CHEK2: variants seen among roughly 807,000 people sequenced by gnomAD.
CHEK2 encodes the protein checkpoint kinase 2, also known as serine/threonine-protein kinase Chk2.
In CHEK2, 71 loss-of-function variants were observed where a neutral mutation model predicts 69.1. The observed-to-expected ratio is 1.03, with a 90% CI of 0.85 to 1.25. The LOEUF (loss-of-function observed/expected upper bound fraction) is 1.25. Ranked by LOEUF, CHEK2 falls within the 50% of genes most tolerant of loss-of-function variation. The probability of loss-of-function intolerance (pLI) is 0.00; values close to 1 mark genes in which losing one functional copy is unlikely to be tolerated. For missense variants in CHEK2, 664 were observed against 649.6 expected (o/e 1.02, Z -0.24); for synonymous variants, 189 against 226.9 (o/e 0.83, Z 1.50).
At chr22:28,730,273 A>AG (rs1491148056) in intron 2 of CHEK2, 2 of 327,420 alleles carry the variant, frequency 6.1e-6, no homozygotes, top group East Asian at 4.2e-5. Flanking sequence ...GGAGGAAAGG[A>AG]AAGCGGAAGG....
At chr22:28,702,302 G>C (rs1301939784) in intron 8 of CHEK2, among the ~76,000 whole-genome samples, 2 of 149,584 alleles carry the variant, frequency 1.3e-5, no homozygotes, top group East Asian at 2.0e-4. Flanking sequence ...GCAGTGGCGC[G>C]ATCTCAGCTC....
intron 13 of CHEK2, among the ~76,000 whole-genome samples, chr22:28,693,138 A>G (rs766530921): frequency 6.6e-6 from 1 of 152,188 alleles, no homozygotes. Flanking sequence ...GCTGAATGGA[A>G]CTGCTCATTA....
intron 2 of CHEK2, among the ~76,000 whole-genome samples, chr22:28,728,377 C>A (rs918828804): frequency 2.6e-5 from 4 of 152,052 alleles, no homozygotes; most frequent in African/African-American, 9.7e-5. Context: ...ACTACCAAAA[C>A]TAACACAAGA....
chr22:28,714,305 C>T (rs1275764046), intron 5 of CHEK2, among the ~76,000 whole-genome samples: 1 of 152,040 alleles, frequency 6.6e-6, no homozygotes, highest in Non-Finnish European at 1.5e-5. Context: ...ATTTGTATTG[C>T]CCTAATGACT....
At chr22:28,713,116 T>G (rs1238005358) in intron 5 of CHEK2, among the ~76,000 whole-genome samples, 1 of 152,228 alleles carries the variant, frequency 6.6e-6, no homozygotes, top group Non-Finnish European at 1.5e-5. Flanking sequence ...ATTCTTTCAC[T>G]TAGCGTAATG....
intron 1 of CHEK2, among the ~76,000 whole-genome samples, 167 bp downstream of exon 1, chr22:28,741,602 C>G (rs2054557971): frequency 6.6e-6 from 1 of 152,098 alleles, no homozygotes; most frequent in Non-Finnish European, 1.5e-5. Context: ...GGGAAGTGAA[C>G]TTCACCTCGA....
intron 5 of CHEK2, among the ~76,000 whole-genome samples, chr22:28,717,572 T>TAA (rs879895705): frequency 4.2e-5 from 6 of 142,106 alleles, no homozygotes; most frequent in African/African-American, 1.3e-4. Flanking sequence ...ATCTCTACAG[T>TAA]AAAAAAAAAA....
chr22:28,734,837 AACAGGGC>A, intron 1 of CHEK2, 110 bp from the exon 2 acceptor site: 1 of 875,502 alleles, frequency 1.1e-6, no homozygotes, highest in Non-Finnish European at 1.8e-6. Context: ...AAAAAAAAAA[AACAGGGC>A]AAACATGCTC....
intron 2 of CHEK2, among the ~76,000 whole-genome samples, chr22:28,733,660 T>C (rs2054281757): frequency 6.6e-6 from 1 of 152,162 alleles, no homozygotes. Context: ...TGCTCATGCC[T>C]GTAATCCCAA....
chr22:28,710,182 A>G, intron 6 of CHEK2, 123 bp from the exon 7 acceptor site: 2 of 632,838 alleles, frequency 3.2e-6, no homozygotes. Flanking sequence ...CTACTTATAC[A>G]AAGAAATCAA....
At chr22:28,735,504 C>T (rs2054377331) in intron 1 of CHEK2, among the ~76,000 whole-genome samples, 2 of 152,172 alleles carry the variant, frequency 1.3e-5, no homozygotes, top group Admixed American at 1.3e-4. Context: ...ACTTACTTCT[C>T]CAAGTCCTCA....
chr22:28,708,361 A>ATGTG (rs200869651), intron 7 of CHEK2, among the ~76,000 whole-genome samples: 6,542 of 104,256 alleles, frequency 0.063, 219 homozygotes, highest in Non-Finnish European at 0.087. Flanking sequence ...GTCTCTAAAA[A>ATGTG]TATGTGTGTG....
intron 7 of CHEK2, chr22:28,708,874 A>G (rs2053271284): frequency 3.5e-6 from 1 of 286,760 alleles, no homozygotes; most frequent in Admixed American, 4.6e-5. Context: ...AATGGCGTGA[A>G]CCCGGGAGGT....
Position 28,725,272 on chromosome 22 carries a change from A to G in CHEK2, c.415T>C (p.Tyr139His), listed in dbSNP as rs730881703. Reference sequence around the variant, plus strand: ...AAAATCCGAAAGTGTTTCTTGCTGTATGTTCGGTATTTATCTGTTCTTTTC... The same window carrying G: ...AAAATCCGAAAGTGTTTCTTGCTGTGTGTTCGGTATTTATCTGTTCTTTTC... The part of the protein sequence containing the change: ...LLKRTDKYRT[Y>H]SKKHFRIFRE... Residue 139 changes from tyrosine to histidine, a missense_variant, in exon 3 of 15, where the codon TAC (tyrosine) becomes CAC (histidine). Coordinates refer to ENST00000404276, the MANE Select transcript of CHEK2 (RefSeq NM_007194.4). 4 of 1,614,130 alleles carry G rather than the reference A, an allele frequency of 2.5e-6. No individual in the cohort carries two copies. Among genetic ancestry groups the G allele is most frequent in the South Asian group, 1.1e-5 (1 of 91,088 alleles).
At position 28,734,541 on chromosome 22, in the gene CHEK2, T is replaced by C. The variant is rs766499735; in HGVS notation, c.181A>G (p.Ser61Gly). ...QSSHSSSGTL[S>G]SLETVSTQEL... ...TGAGTGGACACTGTCTCTAAGGAGC[T>C]CAGTGTCCCAGAGCTGGAGTGAGAG... Residue 61 changes from serine to glycine, a missense_variant, in exon 2 of 15, where the codon AGC (serine) becomes GGC (glycine). Coordinates refer to ENST00000404276, the MANE Select transcript of CHEK2 (RefSeq NM_007194.4). 1 of 1,613,530 alleles carries C rather than the reference T, an allele frequency of 6.2e-7. No individual in the cohort carries two copies. Among genetic ancestry groups the C allele is most frequent in the Admixed American group, 1.7e-5 (1 of 59,938 alleles).
intron 6 of CHEK2, among the ~76,000 whole-genome samples, chr22:28,711,179 T>C (rs1217743611): frequency 6.6e-6 from 1 of 152,184 alleles, no homozygotes; most frequent in Non-Finnish European, 1.5e-5. Context: ...TGGCCATCTC[T>C]CCCATACAGT....
intron 13 of CHEK2, among the ~76,000 whole-genome samples, chr22:28,693,406 T>C (rs1336477874): frequency 6.6e-6 from 1 of 152,202 alleles, no homozygotes; most frequent in Non-Finnish European, 1.5e-5. Context: ...CCCAGTCACT[T>C]GGGCTTGAGA....
rs759973493 is a variant in CHEK2, at chr22:28,703,486, T to A, written c.908+19A>T. The A allele has an allele frequency of 2.3e-5, 29 of 1,256,760 alleles. No individual in the cohort carries two copies. Among genetic ancestry groups the A allele is most frequent in the South Asian group, 1.3e-4 (10 of 79,042 alleles). 77.9% of individuals were successfully genotyped at this position (1,256,760 alleles called of 1,614,324 possible). On this transcript the variant is annotated intron_variant, in intron 8 of 14. Transcript: ENST00000404276. ...GCATTTGAATGGAAACAGAAATTTT[T>A]AAAAAGTTTACTACTTACAATTCCA...
intron 2 of CHEK2, 29 bp downstream of exon 2, chr22:28,734,374 A>G: frequency 6.2e-7 from 1 of 1,607,830 alleles, no homozygotes; most frequent in Non-Finnish European, 8.5e-7. Context: ...TCTGAACAAA[A>G]CGTGATACTA....
Sources: gnomAD v4.1 joint callset for allele counts (sites outside exome capture counted in the v4.1 genomes callset) on GRCh38, gnomAD v4.1.1 for gene constraint, MANE v1.5 for transcripts, NCBI Gene and HGNC (gene_info 2026-07-23, HGNC 2026-07-21) for gene names.